GLIS1: variants seen among roughly 807,000 people sequenced by gnomAD.
GLIS1 encodes GLIS family zinc finger 1, also known as zinc finger protein GLIS1.
In GLIS1, 24 loss-of-function variants were observed where a neutral mutation model predicts 63.8. That is an observed-to-expected ratio of 0.38 (90% CI 0.27 to 0.53). The LOEUF is 0.53. Ranked by LOEUF, GLIS1 falls within the 20% of genes least tolerant of loss-of-function variation. The pLI, the probability that GLIS1 is intolerant of heterozygous loss-of-function variation, is 0.85. For missense variants in GLIS1, 1,036 were observed against 1,074.1 expected, an observed-to-expected ratio of 0.96 and a Z score of 0.50; for synonymous variants, 450 against 482.5, an observed-to-expected ratio of 0.93 and a Z score of 0.88.
At chr1:53,524,131 A>C (rs991430000) in intron 6 of GLIS1, among the ~76,000 whole-genome samples, 9 of 152,238 alleles carry the variant, frequency 5.9e-5, no homozygotes, top group Non-Finnish European at 1.3e-4. Flanking sequence ...GTCTAAAGCA[A>C]GTCCTTTTTT....
At chr1:53,602,066 C>T (rs1036126588) in intron 2 of GLIS1, among the ~76,000 whole-genome samples, 1 of 152,216 alleles carries the variant, frequency 6.6e-6, no homozygotes, top group Non-Finnish European at 1.5e-5. Flanking sequence ...CATCTGCTCC[C>T]ACGCTACCTT....
At chr1:53,676,799 C>T (rs1646217475) in intron 2 of GLIS1, among the ~76,000 whole-genome samples, 1 of 151,310 alleles carries the variant, frequency 6.6e-6, no homozygotes, top group African/African-American at 2.5e-5. Context: ...CCAAGCCAGG[C>T]TGTATCCCTC....
At chr1:53,619,705 A>C (rs1391310819) in intron 2 of GLIS1, among the ~76,000 whole-genome samples, 1 of 152,246 alleles carries the variant, frequency 6.6e-6, no homozygotes, top group Non-Finnish European at 1.5e-5. Flanking sequence ...CAGGCGGCCC[A>C]CAGGCCAGGA....
In GLIS1 at chr1:53,696,337, C is replaced by T. The variant is rs866046594; in HGVS notation, c.259+41469G>A. Among the ~76,000 whole-genome samples the T allele has an allele frequency of 2.0e-5, 3 of 152,250 alleles. No individual in the cohort carries two copies. In the South Asian group the frequency reaches 6.2e-4, roughly 32 times the overall value. ...ATAAATTATGCATCACTATTCCCCA[C>T]TTGAAACTCAAGTTTTAAGGAATCT... On this transcript the variant is annotated intron_variant, in intron 2 of 10. Transcript: ENST00000628545.
chr1:53,675,821 A>G (rs1254083156), intron 2 of GLIS1, among the ~76,000 whole-genome samples: 1 of 152,012 alleles, frequency 6.6e-6, no homozygotes, highest in East Asian at 1.9e-4. Flanking sequence ...TGGAGCGCTC[A>G]TTGTCCTGCC....
In GLIS1 at chr1:53,539,652, A is replaced by G. The variant is rs1382310624; in HGVS notation, c.1321-9700T>C. ...GACACACATGTTCACACATATACCC[A>G]AAGACGTCCAAGCCCCAGACCTGCC... On this transcript the variant is annotated intron_variant, in intron 4 of 10. Transcript: ENST00000628545. This position sits in a 1 kb window ranked among gnomAD's most constrained non-coding sequence, Gnocchi z 5.0. Among the ~76,000 whole-genome samples the G allele has an allele frequency of 6.6e-6, 1 of 151,854 alleles. No homozygotes were observed. The highest frequency in any genetic ancestry group is 2.4e-5 in the African/African-American group (1 of 41,316).
intron 2 of GLIS1, among the ~76,000 whole-genome samples, chr1:53,613,634 A>C (rs1238555299): frequency 1.8e-5 from 2 of 112,776 alleles, no homozygotes; most frequent in Non-Finnish European, 3.6e-5. Context: ...TATGTAATTT[A>C]AAAATGATAT....
chr1:53,543,857 C>T (rs1644670082), intron 4 of GLIS1, among the ~76,000 whole-genome samples: 1 of 152,050 alleles, frequency 6.6e-6, no homozygotes, highest in South Asian at 2.1e-4. Context: ...TGAGCCTTCC[C>T]TCTTATTGGG....
chr1:53,550,199 G>A (rs571552797), intron 4 of GLIS1, among the ~76,000 whole-genome samples: 1 of 152,346 alleles, frequency 6.6e-6, no homozygotes, highest in East Asian at 1.9e-4. Context: ...TTCCACAAGG[G>A]ATTCCAGACA....
chr1:53,725,548 C>T (rs1646797273), intron 2 of GLIS1, among the ~76,000 whole-genome samples: 2 of 152,186 alleles, frequency 1.3e-5, no homozygotes, highest in South Asian at 2.1e-4. Flanking sequence ...CGCACAGAGG[C>T]CTGGAAACCC....
chr1:53,520,950 A>G (rs923766877), intron 6 of GLIS1, among the ~76,000 whole-genome samples, 184 bp from the exon 7 acceptor site: 1 of 152,256 alleles, frequency 6.6e-6, no homozygotes, highest in African/African-American at 2.4e-5. Flanking sequence ...TTGTTAGTCC[A>G]GGTCCTTTGA....
rs545705550 is a variant in GLIS1, at chr1:53,599,377, G to C, written c.437+724C>G. On this transcript the variant is annotated intron_variant, in intron 3 of 10. Coordinates refer to ENST00000628545, the MANE Select transcript of GLIS1 (RefSeq NM_001367484.1). The stretch of plus-strand genomic sequence containing the variant: ...TATAAGACGAAAGAGACCCGAGCTA[G>C]CGTGTTCAGCCCCCTCACCAGGTAA... Among the ~76,000 whole-genome samples the C allele has an allele frequency of 2.2e-3, 332 of 152,324 alleles. 1 individual carries two copies. Among genetic ancestry groups the C allele is most frequent in the Non-Finnish European group, 4.0e-3 (273 of 68,020 alleles).
rs184204588 is a variant in GLIS1 at position 53,624,564 on chromosome 1, G to A, written c.260-24286C>T. Among the ~76,000 whole-genome samples, 11 of 150,582 alleles carry A rather than the reference G, an allele frequency of 7.3e-5. No individual in the cohort carries two copies. The East Asian group carries it at 1.9e-3, about 27-fold the overall frequency. On this transcript the variant is annotated intron_variant, in intron 2 of 10. Transcript: ENST00000628545. ...CTCTTTTTTTTTTTTTTAAAGAGACGGAGTCTCCTTCTATCACCCAGGCTG... is the reference window on the plus strand; with the variant it reads ...CTCTTTTTTTTTTTTTTAAAGAGACAGAGTCTCCTTCTATCACCCAGGCTG...
intron 2 of GLIS1, among the ~76,000 whole-genome samples, chr1:53,651,992 T>A (rs1486762171): frequency 6.6e-6 from 1 of 151,774 alleles, no homozygotes; most frequent in African/African-American, 2.4e-5. Context: ...CCTCAAGGCC[T>A]CTCCAGAGTT....
intron 10 of GLIS1, among the ~76,000 whole-genome samples, chr1:53,507,715 G>C (rs1480025400): frequency 6.6e-6 from 1 of 152,186 alleles, no homozygotes; most frequent in Non-Finnish European, 1.5e-5. Flanking sequence ...GGCCTGGAGT[G>C]GGCACTGGGG....
rs1373192505 is a variant in GLIS1 at position 53,526,664 on chromosome 1, C to T, written c.1483-1777G>A. Among the ~76,000 whole-genome samples, 1 of 152,250 alleles carries T rather than the reference C, an allele frequency of 6.6e-6. No homozygotes were observed. Among genetic ancestry groups the T allele is most frequent in the African/African-American group, 2.4e-5 (1 of 41,464 alleles). On this transcript the variant is annotated intron_variant, in intron 5 of 10. Transcript: ENST00000628545. This position sits in a 1 kb window ranked among gnomAD's most constrained non-coding sequence, Gnocchi z 4.4. ...ACACGGCCCTGCCCTGTCCCTGAGCCGGCCCCAGGACTGTCCCTTGGGGAT... is the reference window on the plus strand; with the variant it reads ...ACACGGCCCTGCCCTGTCCCTGAGCTGGCCCCAGGACTGTCCCTTGGGGAT...
At chr1:53,682,324 G>C (rs912909848) in intron 2 of GLIS1, among the ~76,000 whole-genome samples, 2 of 152,260 alleles carry the variant, frequency 1.3e-5, no homozygotes, top group South Asian at 2.1e-4. Flanking sequence ...ATGAAGGAGT[G>C]GGGGGATGAA....
At chr1:53,649,491 A>AT (rs1316340305) in intron 2 of GLIS1, among the ~76,000 whole-genome samples, 3 of 152,106 alleles carry the variant, frequency 2.0e-5, no homozygotes, top group African/African-American at 7.2e-5. Context: ...GTTCTCACAT[A>AT]TTTTTTATCG....
chr1:53,646,714 G>A lies in GLIS1; in HGVS notation c.260-46436C>T, dbSNP rs1190770382. ...GGTCCCAGCTACTTGGGAGGCTAAG[G>A]GAGGAGGACTGTTTGAACCTGGTAG... On this transcript the variant is annotated intron_variant, in intron 2 of 10. Transcript: ENST00000628545. This position sits in a 1 kb window ranked among gnomAD's most constrained non-coding sequence, Gnocchi z 4.2. Among the ~76,000 whole-genome samples, 1 of 152,090 alleles carries A rather than the reference G, an allele frequency of 6.6e-6. No individual in the cohort carries two copies. The highest frequency in any genetic ancestry group is 1.5e-5 in the Non-Finnish European group (1 of 68,022).
Sources: gnomAD v4.1 joint callset for allele counts (sites outside exome capture counted in the v4.1 genomes callset) on GRCh38, gnomAD v4.1.1 for gene constraint, Gnocchi (gnomAD v3.1) non-coding constraint, MANE v1.5 for transcripts, NCBI Gene and HGNC (gene_info 2026-07-23, HGNC 2026-07-21) for gene names.